The following SOD2 variants were observed in gnomAD, a reference collection of about 807,000 sequenced individuals.
SOD2 encodes the protein superoxide dismutase 2.
In SOD2, 11 loss-of-function variants were observed where a neutral mutation model predicts 27.0. The observed-to-expected ratio is 0.41, with a 90% CI of 0.26 to 0.67. The LOEUF (loss-of-function observed/expected upper bound fraction) is 0.67. Among genes scored for constraint, SOD2 ranks in the 30% least tolerant of loss-of-function variants. SOD2 has a pLI of 0.34. For synonymous variants in SOD2, 105 were observed against 103.0 expected, an observed-to-expected ratio of 1.02 and a Z score of -0.12; for missense variants, 250 against 274.5, an observed-to-expected ratio of 0.91 and a Z score of 0.63.
intron 4 of SOD2, 119 bp from the exon 5 acceptor site, chr6:159,682,757 T>C (rs1231164721): frequency 5.4e-6 from 5 of 925,228 alleles, no homozygotes; most frequent in Non-Finnish European, 6.0e-6. Context: ...ACAATCTCAT[T>C]CACTTGTTTT....
chr6:159,696,096 AC>A (rs1295444541), upstream of SOD2, among the ~76,000 whole-genome samples: 1 of 152,196 alleles, frequency 6.6e-6, no homozygotes, highest in Admixed American at 6.5e-5. Flanking sequence ...AGATCCAACC[AC>A]AGTTTCTTAA....
rs574598871 is a variant in SOD2, at chr6:159,744,001, G to GT, written c.-116+1128dup. 1.5e-3 allele frequency among the ~76,000 whole-genome samples: 231 copies of GT among 151,784 alleles called. 1 individual carries two copies. The highest frequency in any genetic ancestry group is 4.9e-3 in the African/African-American group (202 of 41,340). ...TGTGGCCAAGAAGGCAAAGTTTTAA[G>GT]TTTTTTTTGAAATTTTCATGCCTTA... On this transcript the variant is annotated intron_variant, in intron 1 of 3. Transcript: ENST00000537657.
chr6:159,761,374 C>T (rs796691738), exon 1 of SOD2: 29 of 357,094 alleles, frequency 8.1e-5, no homozygotes, highest in African/African-American at 6.0e-4. Context: ...ACTGTCCAAA[C>T]GTCAACCAAA....
intron 1 of SOD2, among the ~76,000 whole-genome samples, chr6:159,705,635 G>A (rs1299344478): frequency 1.2e-4 from 19 of 152,314 alleles, no homozygotes; most frequent in South Asian, 6.2e-4. Flanking sequence ...CCAAATCTAC[G>A]TCTGATTGGT....
At position 159,672,639 on chromosome 6, in the gene SOD2, T is replaced by G. The variant is rs933821686; in HGVS notation, c.*9854A>C. ...ACCAGTATCAGCCACTGCAAAAACA[T>G]GCCAAATTGTAAAGACCATTGAGGC... On this transcript the variant is annotated 3_prime_UTR_variant, in exon 5 of 5. Coordinates refer to ENST00000538183, the MANE Select transcript of SOD2 (RefSeq NM_000636.4). 1.3e-5 allele frequency: 2 copies of G among 152,170 alleles called. No homozygotes were observed. The highest frequency in any genetic ancestry group is 2.4e-5 in the African/African-American group (1 of 41,432). The allele number at this position is 152,170 out of a possible 1,614,324, so 9.4% of individuals were successfully genotyped here. A position where few individuals can be genotyped will look rare whatever the true frequency, so the allele number is the denominator to read the frequency against.
At chr6:159,693,266 C>T, upstream of SOD2, 1 of 1,172,282 alleles carries the variant, frequency 8.5e-7, no homozygotes, top group Non-Finnish European at 1.2e-6. Flanking sequence ...GCCCGCGGGC[C>T]TTAAGAAAGC....
upstream of SOD2, among the ~76,000 whole-genome samples, chr6:159,729,801 T>G (rs1383682563): frequency 3.3e-5 from 5 of 152,236 alleles, no homozygotes; most frequent in African/African-American, 4.8e-5. Context: ...CTATGATTTG[T>G]TCGCCAAGGT....
At chr6:159,702,940 C>T (rs1777553426) in intron 1 of SOD2, among the ~76,000 whole-genome samples, 1 of 151,206 alleles carries the variant, frequency 6.6e-6, no homozygotes, top group Non-Finnish European at 1.5e-5. Flanking sequence ...ACTGCTTAAT[C>T]CCAGGGGTTC....
intron 1 of SOD2, among the ~76,000 whole-genome samples, chr6:159,723,528 TG>T (rs1199899004): frequency 1.3e-5 from 2 of 152,348 alleles, no homozygotes; most frequent in East Asian, 3.9e-4. Context: ...AAAGGAGCTC[TG>T]GATCTTTTTA....
At position 159,706,617 on chromosome 6, in the gene SOD2, C is replaced by T. The variant is rs958622105; in HGVS notation, c.-115-13754G>A. Reference sequence around the variant, plus strand: ...ATACAGGAGCACCCAGATTCATAAACCAAGTCCTTAGAGACCTACAAAGAG... The same window carrying T: ...ATACAGGAGCACCCAGATTCATAAATCAAGTCCTTAGAGACCTACAAAGAG... On this transcript the variant is annotated intron_variant, in intron 1 of 2. Transcript: ENST00000401980. Among the ~76,000 whole-genome samples the T allele has an allele frequency of 2.6e-4, 39 of 152,116 alleles. No individual in the cohort carries two copies. In the East Asian group the frequency reaches 5.0e-3, roughly 20 times the overall value.
intron 1 of SOD2, chr6:159,741,645 TTTCC>T (rs1228204276): frequency 6.3e-6 from 1 of 158,264 alleles, no homozygotes; most frequent in Non-Finnish European, 1.4e-5. Context: ...TTTTTACCTG[TTTCC>T]TGTAAAATGG....
At chr6:159,723,612 T>A (rs968155947) in intron 1 of SOD2, among the ~76,000 whole-genome samples, 4 of 152,216 alleles carry the variant, frequency 2.6e-5, no homozygotes, top group African/African-American at 9.6e-5. Flanking sequence ...TGCCCATGCC[T>A]ATACATCCTG....
chr6:159,723,253 A>G (rs960664846), intron 1 of SOD2, among the ~76,000 whole-genome samples: 7 of 152,204 alleles, frequency 4.6e-5, no homozygotes, highest in Non-Finnish European at 8.8e-5. Context: ...TGACAAACGT[A>G]TACATTCCCA....
At chr6:159,727,845 C>T (rs754332171), upstream of SOD2, 16 of 545,158 alleles carry the variant, frequency 2.9e-5, no homozygotes, top group Non-Finnish European at 3.7e-5. Flanking sequence ...CTCTCGTGAG[C>T]CGCTCTACCT....
upstream of SOD2, among the ~76,000 whole-genome samples, chr6:159,746,057 C>T (rs1314681292): frequency 6.6e-6 from 1 of 152,196 alleles, no homozygotes; most frequent in Non-Finnish European, 1.5e-5. Context: ...GGAAATCCAG[C>T]ATTCCCTCCT....
At chr6:159,746,636 A>G (rs1779593558), upstream of SOD2, among the ~76,000 whole-genome samples, 1 of 152,180 alleles carries the variant, frequency 6.6e-6, no homozygotes. Flanking sequence ...CGTAGTTACT[A>G]TATTCTTAAC....
upstream of SOD2, among the ~76,000 whole-genome samples, chr6:159,698,230 G>C (rs573650015): frequency 3.9e-5 from 6 of 152,036 alleles, no homozygotes; most frequent in East Asian, 1.2e-3. Flanking sequence ...CTGAGATCTC[G>C]CCACTGCACT....
intron 1 of SOD2, among the ~76,000 whole-genome samples, chr6:159,736,083 T>C (rs1257265364): frequency 6.6e-6 from 1 of 152,200 alleles, no homozygotes; most frequent in Non-Finnish European, 1.5e-5. Flanking sequence ...CTCTGTAATA[T>C]CTTTGCCACT....
At chr6:159,734,688 A>G (rs1321304149) in intron 1 of SOD2, among the ~76,000 whole-genome samples, 1 of 152,220 alleles carries the variant, frequency 6.6e-6, no homozygotes, top group Non-Finnish European at 1.5e-5. Context: ...TATAAGAACT[A>G]ATTACTTAAT....
Sources: allele counts gnomAD v4.1 joint callset (sites outside exome capture counted in the v4.1 genomes callset), GRCh38; gene constraint gnomAD v4.1.1; transcripts MANE v1.5; gene names NCBI Gene and HGNC (gene_info 2026-07-23, HGNC 2026-07-21).